The following ACOT7 variants were observed in gnomAD, a reference collection of about 807,000 sequenced individuals.
ACOT7 encodes acyl-CoA thioesterase 7, also known as cytosolic acyl coenzyme A thioester hydrolase.
ACOT7 carries 12 observed loss-of-function variants against 40.2 expected under a neutral mutation model. The ratio of observed to expected loss-of-function variants is 0.30; its 90% CI spans 0.19 to 0.48. The LOEUF is 0.48. Among genes scored for constraint, ACOT7 ranks in the 20% least tolerant of loss-of-function variants. The pLI, the probability that ACOT7 is intolerant of heterozygous loss-of-function variation, is 0.99. For synonymous variants in ACOT7, 228 were observed against 219.5 expected, an observed-to-expected ratio of 1.04 and a Z score of -0.34; for missense variants, 395 against 530.8, an observed-to-expected ratio of 0.74 and a Z score of 2.51.
intron 1 of ACOT7, among the ~76,000 whole-genome samples, chr1:6,366,495 G>A (rs1032534424): frequency 6.6e-6 from 1 of 151,814 alleles, no homozygotes; most frequent in Non-Finnish European, 1.5e-5. Context: ...CTAAGGGTGG[G>A]AGGATCCCTT....
chr1:6,333,628 C>A, intron 3 of ACOT7, 60 bp from the exon 4 acceptor site: 2 of 1,553,052 alleles, frequency 1.3e-6, no homozygotes, highest in Non-Finnish European at 1.8e-6. Context: ...ATGTGAGCGT[C>A]CAGGCACGTG....
At chr1:6,333,339 G>T in intron 4 of ACOT7, 138 bp downstream of exon 4, 1 of 903,014 alleles carries the variant, frequency 1.1e-6, no homozygotes, top group Non-Finnish European at 1.7e-6. Context: ...CTGCCTGCTG[G>T]CGGACCTGGC....
At chr1:6,362,168 C>T (rs1052754599) in intron 1 of ACOT7, among the ~76,000 whole-genome samples, 1 of 152,188 alleles carries the variant, frequency 6.6e-6, no homozygotes, top group Non-Finnish European at 1.5e-5. Context: ...TGGTGGCTCA[C>T]GCCTGTAATC....
intron 1 of ACOT7, among the ~76,000 whole-genome samples, chr1:6,368,629 GGACT>G (rs758347241): frequency 4.6e-5 from 7 of 152,290 alleles, no homozygotes; most frequent in African/African-American, 9.6e-5. Flanking sequence ...TAGACTCCAG[GGACT>G]GACTATTTCC....
intron 5 of ACOT7, among the ~76,000 whole-genome samples, chr1:6,321,127 T>C (rs1640634047): frequency 6.6e-6 from 1 of 152,204 alleles, no homozygotes; most frequent in South Asian, 2.1e-4. Flanking sequence ...AGGAACTACA[T>C]GGTCCTTTGC....
At chr1:6,298,769 T>C (rs1003296992) in intron 6 of ACOT7, among the ~76,000 whole-genome samples, 3 of 152,092 alleles carry the variant, frequency 2.0e-5, no homozygotes, top group Admixed American at 6.5e-5. Flanking sequence ...GGGGCCTCCA[T>C]AAAGGCCCAG....
chr1:6,267,498 C>T lies in ACOT7; in HGVS notation c.1015-2803G>A, dbSNP rs147316233. On this transcript the variant is annotated intron_variant, in intron 8 of 8. Coordinates refer to ENST00000361521, the MANE Select transcript of ACOT7 (RefSeq NM_007274.4). ...CTGCCTGCCTGCCTGTCTGTGTCTG[C>T]AGATCCTCTGGGCTCCCTCCCCAAC... Among the ~76,000 whole-genome samples, 62 of 152,356 alleles carry T rather than the reference C, an allele frequency of 4.1e-4. No homozygotes were observed. In the South Asian group the frequency reaches 7.2e-3, roughly 18 times the overall value.
chr1:6,325,077 A>T (rs7551239), intron 5 of ACOT7, among the ~76,000 whole-genome samples: 10,418 of 152,244 alleles, frequency 0.068, 389 homozygotes, highest in Non-Finnish European at 0.088. Context: ...TGCTGTGTTG[A>T]TAAACTGGCT....
chr1:6,305,370 G>A (rs1426551757), intron 6 of ACOT7, among the ~76,000 whole-genome samples: 6 of 148,926 alleles, frequency 4.0e-5, no homozygotes, highest in African/African-American at 1.2e-4. Context: ...CTGGCCGGGC[G>A]GGGGGCTGAC....
intron 5 of ACOT7, among the ~76,000 whole-genome samples, chr1:6,324,514 T>C (rs917551533): frequency 1.6e-4 from 25 of 152,008 alleles, no homozygotes; most frequent in African/African-American, 6.0e-4. Context: ...TTGAAAACCT[T>C]GAGTAATTTT....
At chr1:6,324,683 C>A (rs761076405) in intron 5 of ACOT7, among the ~76,000 whole-genome samples, 1 of 152,126 alleles carries the variant, frequency 6.6e-6, no homozygotes, top group Non-Finnish European at 1.5e-5. Flanking sequence ...CCAGGCAGCC[C>A]CCATGTTCCA....
rs1639604392 is a variant in ACOT7 at position 6,289,416 on chromosome 1, A to G, written c.829+5448T>C. 2.0e-5 allele frequency among the ~76,000 whole-genome samples: 3 copies of G among 151,684 alleles called. No homozygotes were observed. ...CGCCCAGCCTGTTTTTGTTTTTTAAATTGAGACAAGGTCTCACTCTGTCAC... is the reference window on the plus strand; with the variant it reads ...CGCCCAGCCTGTTTTTGTTTTTTAAGTTGAGACAAGGTCTCACTCTGTCAC... On this transcript the variant is annotated intron_variant, in intron 7 of 8. Coordinates refer to ENST00000361521, the MANE Select transcript of ACOT7 (RefSeq NM_007274.4). This position sits in a 1 kb window ranked among gnomAD's most constrained non-coding sequence, Gnocchi z 4.6.
chr1:6,354,277 G>A (rs1409769459), intron 1 of ACOT7, among the ~76,000 whole-genome samples: 2 of 152,172 alleles, frequency 1.3e-5, no homozygotes, highest in Non-Finnish European at 2.9e-5. Flanking sequence ...TAATCTCTGG[G>A]AAAGCTTCCC....
chr1:6,264,550 G>T lies in ACOT7; in HGVS notation c.*47C>A. 2 of 1,563,906 alleles carry T rather than the reference G, an allele frequency of 1.3e-6. No homozygotes were observed. The highest frequency in any genetic ancestry group is 1.7e-6 in the Non-Finnish European group (2 of 1,146,238). ...GAACTTCTAAGTGACTGGACACTGG[G>T]CCCGTTGCCATGGCTACTCGAGGCA... On this transcript the variant is annotated 3_prime_UTR_variant, in exon 9 of 9. Coordinates refer to ENST00000361521, the MANE Select transcript of ACOT7 (RefSeq NM_007274.4).
intron 3 of ACOT7, 98 bp downstream of exon 3, chr1:6,339,335 G>T (rs1260857309): frequency 6.5e-7 from 1 of 1,544,332 alleles, no homozygotes; most frequent in Non-Finnish European, 8.8e-7. Context: ...TGGTGGAAAA[G>T]GGGCCAGGCC....
At position 6,349,850 on chromosome 1, in the gene ACOT7, C is replaced by G; in HGVS notation, c.160G>C (p.Asp54His). The change falls in exon 2 of 9, where the codon GAT (aspartate) becomes CAT (histidine). Residue 54 changes from aspartate to histidine, a missense_variant. Physicochemically the swap from Asp to His is moderately conservative, Grantham distance 81. Around this residue, in one of 2 missense-constraint regions of ACOT7, gnomAD observed 309 missense variants for 470.3 expected, o/e 0.66. Transcript: ENST00000361521. Reference sequence around the variant, plus strand: ...TGGACATTGCCGGCCACGTTGGCATCATCTGGCCGCATGATCCTAGGGCAG... The same window carrying G: ...TGGACATTGCCGGCCACGTTGGCATGATCTGGCCGCATGATCCTAGGGCAG... ...IQICRIMRPD[D>H]ANVAGNVHGG... The G allele has an allele frequency of 6.2e-7, 1 of 1,614,134 alleles. No homozygotes were observed.
chr1:6,334,837 G>A (rs1001820503), intron 3 of ACOT7, among the ~76,000 whole-genome samples: 3 of 152,216 alleles, frequency 2.0e-5, no homozygotes, highest in African/African-American at 7.2e-5. Flanking sequence ...CAGCAACTTG[G>A]TGCCATACTC....
intron 6 of ACOT7, among the ~76,000 whole-genome samples, chr1:6,302,285 G>A (rs1245149937): frequency 6.6e-6 from 1 of 152,058 alleles, no homozygotes; most frequent in Non-Finnish European, 1.5e-5. Context: ...TCCACTTCAG[G>A]TCATCTGCAC....
chr1:6,391,267 G>T (rs1432385643), intron 1 of ACOT7, among the ~76,000 whole-genome samples: 1 of 149,410 alleles, frequency 6.7e-6, no homozygotes, highest in Non-Finnish European at 1.5e-5. Context: ...GGGAGGCCGA[G>T]GAGGGCAGAT....
Sources: gnomAD v4.1 joint callset for allele counts (sites outside exome capture counted in the v4.1 genomes callset) on GRCh38, gnomAD v4.1.1 for gene constraint, gnomAD v4.1.1 regional missense constraint, Gnocchi (gnomAD v3.1) non-coding constraint, MANE v1.5 for transcripts, NCBI Gene and HGNC (gene_info 2026-07-23, HGNC 2026-07-21) for gene names.